The following NR3C2 variants were observed in gnomAD, a reference collection of about 807,000 sequenced individuals.
NR3C2 encodes mineralocorticoid receptor.
In NR3C2, 15 loss-of-function variants were observed where a neutral mutation model predicts 86.4. The observed-to-expected ratio is 0.17, with a 90% CI of 0.12 to 0.27. The LOEUF (loss-of-function observed/expected upper bound fraction) is 0.27. Among genes scored for constraint, NR3C2 ranks in the 10% least tolerant of loss-of-function variants. The probability of loss-of-function intolerance (pLI) is 1.00; values close to 1 mark genes in which losing one functional copy is unlikely to be tolerated. For missense variants in NR3C2, 960 were observed against 1,195.6 expected (o/e 0.80, Z 2.91); for synonymous variants, 458 against 450.5 (o/e 1.02, Z -0.21).
At chr4:148,153,180 CTTTAT>C (rs1392316694) in intron 5 of NR3C2, among the ~76,000 whole-genome samples, 2 of 151,854 alleles carry the variant, frequency 1.3e-5, no homozygotes, top group Non-Finnish European at 1.5e-5. Flanking sequence ...TTCTTTTGTT[CTTTAT>C]TTTATTTATT....
intron 6 of NR3C2, among the ~76,000 whole-genome samples, chr4:148,129,979 T>C (rs1322748301): frequency 1.3e-5 from 2 of 152,236 alleles, no homozygotes; most frequent in Admixed American, 6.5e-5. Flanking sequence ...TCATTCTTCT[T>C]TTATAATATA....
chr4:148,241,048 G>A (rs188048443), intron 3 of NR3C2, among the ~76,000 whole-genome samples: 37 of 152,216 alleles, frequency 2.4e-4, no homozygotes, highest in African/African-American at 8.7e-4. Flanking sequence ...GCTCACGCCT[G>A]TAATCCCAAC....
chr4:148,211,598 C>A (rs1309116283), intron 3 of NR3C2, among the ~76,000 whole-genome samples: 1 of 152,108 alleles, frequency 6.6e-6, no homozygotes, highest in Non-Finnish European at 1.5e-5. Flanking sequence ...ATTTGATAAA[C>A]CATGGCGTCA....
intron 2 of NR3C2, among the ~76,000 whole-genome samples, chr4:148,393,422 T>C (rs1048628059): frequency 6.6e-6 from 1 of 152,108 alleles, no homozygotes; most frequent in African/African-American, 2.4e-5. Flanking sequence ...AAATGTGCCA[T>C]TTTAAAAGCT....
intron 6 of NR3C2, among the ~76,000 whole-genome samples, chr4:148,147,150 C>A (rs746572613): frequency 6.6e-6 from 1 of 152,122 alleles, no homozygotes; most frequent in South Asian, 2.1e-4. Flanking sequence ...TAACTAATAT[C>A]TTCACCCCAA....
chr4:148,139,635 C>G (rs1316122588), intron 6 of NR3C2, among the ~76,000 whole-genome samples: 1 of 152,220 alleles, frequency 6.6e-6, no homozygotes, highest in African/African-American at 2.4e-5. Flanking sequence ...AAGGTTGTCA[C>G]ACCTGTAGGT....
intron 4 of NR3C2, among the ~76,000 whole-genome samples, chr4:148,167,268 T>C (rs974472706): frequency 3.9e-5 from 6 of 152,238 alleles, no homozygotes; most frequent in African/African-American, 1.4e-4. Context: ...TCTTCACTGC[T>C]GACTTAGAAT....
intron 3 of NR3C2, among the ~76,000 whole-genome samples, chr4:148,225,389 A>G (rs1457832456): frequency 6.6e-6 from 1 of 152,190 alleles, no homozygotes; most frequent in African/African-American, 2.4e-5. Flanking sequence ...ATGTTTGCTA[A>G]TATAATTCAT....
rs1228031314 is a variant in NR3C2, at chr4:148,112,123, G to GA, written c.2799+1980dup. On this transcript the variant is annotated intron_variant, in intron 8 of 8. Transcript: ENST00000358102. ...TATGCCAAGCACTGTGCTGGTGGGG[G>GA]AAAAAAAAAAACTAGCAAAGGAGGT... Among the ~76,000 whole-genome samples, 574 of 146,068 alleles carry GA rather than the reference G, an allele frequency of 3.9e-3. 1 individual carries two copies. Among genetic ancestry groups the GA allele is most frequent in the Non-Finnish European group, 4.9e-3 (325 of 65,952 alleles).
At chr4:148,328,553 C>A (rs930785333) in intron 2 of NR3C2, among the ~76,000 whole-genome samples, 1 of 152,152 alleles carries the variant, frequency 6.6e-6, no homozygotes, top group South Asian at 2.1e-4. Context: ...GGAGACCTCA[C>A]CATGCCCCCC....
intron 2 of NR3C2, among the ~76,000 whole-genome samples, chr4:148,419,658 T>C (rs888063256): frequency 1.3e-5 from 2 of 152,198 alleles, no homozygotes; most frequent in African/African-American, 4.8e-5. Flanking sequence ...TGATGATCAA[T>C]CTGCAGTGTA....
chr4:148,228,632 T>A (rs1738303758), intron 3 of NR3C2, among the ~76,000 whole-genome samples: 1 of 152,206 alleles, frequency 6.6e-6, no homozygotes, highest in Non-Finnish European at 1.5e-5. Context: ...ATTTTCTTAA[T>A]GGTATCTTTT....
rs116850254 is a variant in NR3C2, at chr4:148,418,635, A to T, written c.1757+16469T>A. 5.3e-4 allele frequency among the ~76,000 whole-genome samples: 80 copies of T among 152,280 alleles called. 1 individual carries two copies. In the East Asian group the frequency reaches 0.015, roughly 28 times the overall value. Reference sequence around the variant, plus strand: ...TAATTATTTACCCATTGTAGTTCCTATTTGTTCCTATTCCTCTATTTCAAT... The same window carrying T: ...TAATTATTTACCCATTGTAGTTCCTTTTTGTTCCTATTCCTCTATTTCAAT... On this transcript the variant is annotated intron_variant, in intron 2 of 8. Coordinates refer to ENST00000358102, the MANE Select transcript of NR3C2 (RefSeq NM_000901.5).
intron 2 of NR3C2, among the ~76,000 whole-genome samples, chr4:148,323,675 G>T (rs1404824146): frequency 6.6e-6 from 1 of 152,066 alleles, no homozygotes; most frequent in African/African-American, 2.4e-5. Context: ...TCTTTGACTC[G>T]GAAAGGGAAC....
intron 2 of NR3C2, among the ~76,000 whole-genome samples, chr4:148,278,016 G>A (rs1741041894): frequency 6.6e-6 from 1 of 152,174 alleles, no homozygotes. Flanking sequence ...GGAATTCTAT[G>A]CTATTAATAA....
At chr4:148,424,809 T>C (rs931796824) in intron 2 of NR3C2, among the ~76,000 whole-genome samples, 3 of 152,288 alleles carry the variant, frequency 2.0e-5, no homozygotes, top group East Asian at 1.9e-4. Context: ...TAGTGAATGA[T>C]AGAACTCTTC....
intron 2 of NR3C2, among the ~76,000 whole-genome samples, chr4:148,359,189 A>G (rs544839007): frequency 6.6e-6 from 1 of 152,292 alleles, no homozygotes; most frequent in African/African-American, 2.4e-5. Flanking sequence ...TGAAAAGATT[A>G]TAAGTTGGTT....
chr4:148,245,314 A>C (rs1739266565), intron 3 of NR3C2, among the ~76,000 whole-genome samples: 1 of 152,190 alleles, frequency 6.6e-6, no homozygotes. Context: ...GTTAAGAATC[A>C]GGGAGAGGCT....
chr4:148,112,692 A>G (rs953155063), intron 8 of NR3C2, among the ~76,000 whole-genome samples: 9 of 152,252 alleles, frequency 5.9e-5, no homozygotes, highest in African/African-American at 2.2e-4. Flanking sequence ...AAAAGTTCAG[A>G]TAAAGCAGAG....
Sources: allele counts gnomAD v4.1 joint callset (sites outside exome capture counted in the v4.1 genomes callset), GRCh38; gene constraint gnomAD v4.1.1; transcripts MANE v1.5; gene names NCBI Gene and HGNC (gene_info 2026-07-23, HGNC 2026-07-21).